The following SDK1 variants were observed in gnomAD, a reference collection of about 807,000 sequenced individuals.
SDK1 encodes protein sidekick-1.
Under a neutral mutation model 245.5 loss-of-function variants are expected in SDK1, and 157 were observed. That is an observed-to-expected ratio of 0.64 (90% CI 0.56 to 0.73). The LOEUF (loss-of-function observed/expected upper bound fraction) is 0.73. Ranked by LOEUF, SDK1 falls within the 30% of genes least tolerant of loss-of-function variation. The pLI is 0.00. For synonymous variants in SDK1, 1,647 were observed against 1,278.5 expected (o/e 1.29, Z -6.15); for missense variants, 3,583 against 3,002.3 (o/e 1.19, Z -4.52).
At chr7:3,925,349 T>A (rs988638287) in intron 5 of SDK1, among the ~76,000 whole-genome samples, 4 of 152,148 alleles carry the variant, frequency 2.6e-5, no homozygotes, top group African/African-American at 7.2e-5. Context: ...GCCCTCTGAG[T>A]TTGCTTAGAA....
chr7:3,951,149 G>A (rs1368670650), intron 6 of SDK1, 115 bp downstream of exon 6: 5 of 759,936 alleles, frequency 6.6e-6, no homozygotes, highest in Admixed American at 2.2e-5. Context: ...CAGTGGTCTT[G>A]TTTGGCCGGG....
chr7:4,041,136 G>A (rs758353652), intron 17 of SDK1, among the ~76,000 whole-genome samples: 4 of 152,190 alleles, frequency 2.6e-5, no homozygotes, highest in Non-Finnish European at 5.9e-5. Context: ...CAACCTGCAA[G>A]TGAAATAAAA....
intron 1 of SDK1, among the ~76,000 whole-genome samples, chr7:3,595,112 G>A (rs1781009404): frequency 6.6e-6 from 1 of 152,140 alleles, no homozygotes; most frequent in Non-Finnish European, 1.5e-5. Flanking sequence ...GAAGTCAGAT[G>A]CAGCCAATTT....
At chr7:4,121,920 C>G (rs1001335516) in intron 25 of SDK1, among the ~76,000 whole-genome samples, 4 of 152,098 alleles carry the variant, frequency 2.6e-5, no homozygotes, top group Non-Finnish European at 5.9e-5. Flanking sequence ...AGTTTTGGTT[C>G]ACGTGTTTCC....
intron 40 of SDK1, chr7:4,227,151 C>A: frequency 3.5e-6 from 1 of 286,552 alleles, no homozygotes; most frequent in Non-Finnish European, 6.8e-6. Flanking sequence ...GGAAGAAAAT[C>A]AGTATTTCTC....
chr7:3,704,036 G>A (rs1000174854), intron 4 of SDK1, among the ~76,000 whole-genome samples: 2 of 152,034 alleles, frequency 1.3e-5, no homozygotes, highest in African/African-American at 2.4e-5. Context: ...CCAGTTTGTC[G>A]TTTTTTCTTC....
At chr7:3,876,693 T>G (rs1326790326) in intron 5 of SDK1, among the ~76,000 whole-genome samples, 2 of 152,300 alleles carry the variant, frequency 1.3e-5, no homozygotes, top group South Asian at 4.1e-4. Flanking sequence ...GAAAGATGTT[T>G]TTGGAGAGGA....
intron 1 of SDK1, among the ~76,000 whole-genome samples, chr7:3,427,407 T>A (rs1161157447): frequency 2.0e-5 from 3 of 151,484 alleles, no homozygotes; most frequent in Non-Finnish European, 4.4e-5. Context: ...TAAATCCAGC[T>A]ACTTGGGAGG....
chr7:3,450,385 A>G (rs1452294650), intron 1 of SDK1, among the ~76,000 whole-genome samples: 1 of 152,166 alleles, frequency 6.6e-6, no homozygotes, highest in Non-Finnish European at 1.5e-5. Flanking sequence ...GATCTTGAAG[A>G]TGAGTAGAAT....
intron 35 of SDK1, among the ~76,000 whole-genome samples, chr7:4,199,491 T>C (rs7803332): frequency 6.6e-6 from 1 of 152,050 alleles, no homozygotes; most frequent in Non-Finnish European, 1.5e-5. Flanking sequence ...AGTATTGAAG[T>C]TTCAGAGCTA....
chr7:3,748,542 T>A (rs942814052), intron 4 of SDK1, among the ~76,000 whole-genome samples: 5 of 152,162 alleles, frequency 3.3e-5, no homozygotes, highest in African/African-American at 1.2e-4. Flanking sequence ...ACCCTTAAGG[T>A]TCAGAGTTTT....
intron 14 of SDK1, among the ~76,000 whole-genome samples, chr7:4,005,664 A>G (rs1171950607): frequency 6.6e-6 from 1 of 152,102 alleles, no homozygotes; most frequent in Non-Finnish European, 1.5e-5. Flanking sequence ...TACAGACCCG[A>G]AAGCACTTCC....
At chr7:3,661,932 C>G (rs1783374607) in intron 4 of SDK1, among the ~76,000 whole-genome samples, 1 of 151,996 alleles carries the variant, frequency 6.6e-6, no homozygotes, top group Non-Finnish European at 1.5e-5. Flanking sequence ...AGGGCTTAGA[C>G]TACTACCTGG....
chr7:3,998,590 G>C (rs763298121), intron 14 of SDK1, among the ~76,000 whole-genome samples: 1 of 152,156 alleles, frequency 6.6e-6, no homozygotes, highest in East Asian at 1.9e-4. Context: ...CCCTGGACAG[G>C]TTTCAGAGCT....
intron 1 of SDK1, among the ~76,000 whole-genome samples, chr7:3,572,435 G>T (rs1018492764): frequency 7.9e-5 from 12 of 152,048 alleles, no homozygotes; most frequent in African/African-American, 2.9e-4. Context: ...TAGGCTTGGC[G>T]TAGGCATCAC....
At chr7:3,743,856 A>G (rs1779542717) in intron 4 of SDK1, among the ~76,000 whole-genome samples, 1 of 152,196 alleles carries the variant, frequency 6.6e-6, no homozygotes, top group Non-Finnish European at 1.5e-5. Flanking sequence ...ACAAGTTAGC[A>G]GCTATCTGCC....
At chr7:3,772,607 A>G (rs1227682662) in intron 4 of SDK1, among the ~76,000 whole-genome samples, 2 of 152,246 alleles carry the variant, frequency 1.3e-5, no homozygotes, top group Non-Finnish European at 2.9e-5. Flanking sequence ...GTGGAGTTAC[A>G]AACTAGTGCT....
intron 4 of SDK1, among the ~76,000 whole-genome samples, chr7:3,693,698 C>T (rs1231034818): frequency 6.6e-6 from 1 of 152,118 alleles, no homozygotes; most frequent in Non-Finnish European, 1.5e-5. Context: ...CAACTAAGTG[C>T]AAGATAGTGA....
chr7:4,094,901 G>A (rs1334281991), intron 22 of SDK1, among the ~76,000 whole-genome samples: 1 of 152,204 alleles, frequency 6.6e-6, no homozygotes, highest in Non-Finnish European at 1.5e-5. Flanking sequence ...TACCTAAAAG[G>A]ACATCTTAAA....
Sources: allele counts gnomAD v4.1 joint callset (sites outside exome capture counted in the v4.1 genomes callset), GRCh38; gene constraint gnomAD v4.1.1; transcripts MANE v1.5; gene names NCBI Gene and HGNC (gene_info 2026-07-23, HGNC 2026-07-21).